The following RYR3 variants were observed in gnomAD, a reference collection of about 807,000 sequenced individuals.
RYR3 encodes ryanodine receptor 3.
RYR3 carries 207 observed loss-of-function variants against 584.3 expected under a neutral mutation model. That is an observed-to-expected ratio of 0.35 (90% confidence interval 0.32 to 0.40). The LOEUF (loss-of-function observed/expected upper bound fraction) is 0.40, where lower values mean the gene tolerates loss of function less well. Ranked by LOEUF, RYR3 falls within the 10% of genes least tolerant of loss-of-function variation. RYR3 has a pLI of 1.00. For synonymous variants in RYR3, 2,416 were observed against 2,248.5 expected, an observed-to-expected ratio of 1.07 and a Z score of -2.11; for missense variants, 5,616 against 6,089.2, an observed-to-expected ratio of 0.92 and a Z score of 2.59.
rs1452938473 is a variant in RYR3, at chr15:33,531,223, A to G, written c.354+557A>G. Among the ~76,000 whole-genome samples the G allele has an allele frequency of 4.6e-5, 7 of 152,328 alleles. No homozygotes were observed. The South Asian group carries it at 1.5e-3, about 32-fold the overall frequency. ...AGGCAAGGTAGTCACAGAAAGCTGCATGGCTATTACTAATCAGGGATCTAG... is the reference window on the plus strand; with the variant it reads ...AGGCAAGGTAGTCACAGAAAGCTGCGTGGCTATTACTAATCAGGGATCTAG... On this transcript the variant is annotated intron_variant, in intron 4 of 103. Coordinates refer to ENST00000634891, the MANE Select transcript of RYR3 (RefSeq NM_001036.6).
At chr15:33,841,591 C>T (rs2078366608) in intron 90 of RYR3, among the ~76,000 whole-genome samples, 1 of 152,122 alleles carries the variant, frequency 6.6e-6, no homozygotes, top group African/African-American at 2.4e-5. Context: ...TAAAGGGTAA[C>T]TTCAGAAGGG....
At chr15:33,536,016 C>T (rs2055297288) in intron 5 of RYR3, among the ~76,000 whole-genome samples, 1 of 152,162 alleles carries the variant, frequency 6.6e-6, no homozygotes, top group African/African-American at 2.4e-5. Flanking sequence ...AGAAAGCTAG[C>T]TGGCGTTTGT....
chr15:33,602,611 C>G (rs967175081), intron 17 of RYR3, among the ~76,000 whole-genome samples: 1 of 151,932 alleles, frequency 6.6e-6, no homozygotes, highest in Non-Finnish European at 1.5e-5. Flanking sequence ...ACTCAGTAAA[C>G]GTTGGTTGCC....
chr15:33,603,046 C>G, intron 17 of RYR3, 77 bp from the exon 18 acceptor site: 1 of 1,499,748 alleles, frequency 6.7e-7, no homozygotes, highest in South Asian at 1.2e-5. Flanking sequence ...TGGGCCGTTG[C>G]CTCCTATGGT....
rs191868366 is a variant in RYR3, at chr15:33,848,507, G to A, written c.13628+86G>A. 5 of 1,452,786 alleles carry A rather than the reference G, an allele frequency of 3.4e-6. No homozygotes were observed. In the Admixed American group the frequency reaches 7.0e-5, roughly 20 times the overall value. 90.0% of individuals were successfully genotyped at this position (1,452,786 alleles called of 1,614,324 possible). ...CTCTTTCCTCCTGGCCTTAAAACTG[G>A]TTAATATAAACTGTCTTTTGATTTC... On this transcript the variant is annotated intron_variant, in intron 94 of 103. Transcript: ENST00000634891.
chr15:33,430,229 G>A (rs1161638237), intron 1 of RYR3, among the ~76,000 whole-genome samples: 1 of 152,264 alleles, frequency 6.6e-6, no homozygotes, highest in African/African-American at 2.4e-5. Context: ...ACAATGCCAA[G>A]CAAGGAGAAT....
At position 33,799,437 on chromosome 15, in the gene RYR3, A is replaced by G. The variant is rs554558339; in HGVS notation, c.9831-1333A>G. Among the ~76,000 whole-genome samples, 242 of 145,100 alleles carry G rather than the reference A, an allele frequency of 1.7e-3. 1 individual carries two copies. Among genetic ancestry groups the G allele is most frequent in the African/African-American group, 5.7e-3 (230 of 40,284 alleles). On this transcript the variant is annotated intron_variant, in intron 67 of 103. Transcript: ENST00000634891. The stretch of plus-strand genomic sequence containing the variant: ...CCAATCATGCCTATATAATGGAGCC[A>G]CCACAAAAAAACCCTAAGCTATGGG...
rs751164469 is a variant in RYR3, at chr15:33,853,051, T to C, written c.13635T>C (p.Phe4545=). ...WDRLVINTPS[F]PNNYWDKFVK... is the part of the protein sequence containing the mutation. ...TTTTCGTTTTGTTTTTCAGATCTTT[T>C]CCTAATAACTACTGGGACAAGTTTG... The change falls in exon 95 of 104, where the codon TTT becomes TTC. Residue 4545 remains phenylalanine, a synonymous_variant. Coordinates refer to ENST00000634891, the MANE Select transcript of RYR3 (RefSeq NM_001036.6). 6.2e-6 allele frequency: 10 copies of C among 1,607,084 alleles called. No homozygotes were observed. In the Admixed American group the frequency reaches 1.7e-4, roughly 27 times the overall value.
At chr15:33,790,383 TATCA>T (rs1363891558) in intron 67 of RYR3, among the ~76,000 whole-genome samples, 1 of 152,162 alleles carries the variant, frequency 6.6e-6, no homozygotes, top group African/African-American at 2.4e-5. Context: ...TGCCAGAAGT[TATCA>T]GATTCTGGGT....
chr15:33,857,646 GCCCTC>G, intron 98 of RYR3, 129 bp from the exon 99 acceptor site: 9 of 1,067,580 alleles, frequency 8.4e-6, no homozygotes, highest in Non-Finnish European at 9.5e-6. Context: ...TTTCTTAGCC[GCCCTC>G]CACCCCTTCC....
intron 1 of RYR3, among the ~76,000 whole-genome samples, chr15:33,317,791 A>C (rs1055001159): frequency 6.6e-6 from 1 of 152,104 alleles, no homozygotes; most frequent in African/African-American, 2.4e-5. Context: ...TCTGGCTTAG[A>C]GTACATTGCT....
chr15:33,470,486 T>C (rs1310223648), intron 1 of RYR3, among the ~76,000 whole-genome samples: 1 of 151,934 alleles, frequency 6.6e-6, no homozygotes, highest in African/African-American at 2.4e-5. Flanking sequence ...TCAACAGTCC[T>C]CCTTGAGAAA....
intron 10 of RYR3, among the ~76,000 whole-genome samples, chr15:33,550,735 A>C (rs1337035720): frequency 5.7e-5 from 2 of 35,138 alleles, no homozygotes; most frequent in Admixed American, 6.4e-4. Context: ...GTAATTTGTT[A>C]AACAAAAAAA....
At position 33,861,646 on chromosome 15, in the gene RYR3, C is replaced by T. The variant is rs147523985; in HGVS notation, c.14465+468C>T. On this transcript the variant is annotated intron_variant, in intron 102 of 103. Transcript: ENST00000634891. Reference sequence around the variant, plus strand: ...CTCCTGTGAACCTCCTACTGGCAGGCTTTCCTCCCACTACATCATAATATT... The same window carrying T: ...CTCCTGTGAACCTCCTACTGGCAGGTTTTCCTCCCACTACATCATAATATT... Among the ~76,000 whole-genome samples, 66 of 152,268 alleles carry T rather than the reference C, an allele frequency of 4.3e-4. 1 individual carries two copies. The East Asian group carries it at 0.012, about 27-fold the overall frequency.
At chr15:33,664,285 T>C (rs369387721) in intron 36 of RYR3, among the ~76,000 whole-genome samples, 4 of 152,232 alleles carry the variant, frequency 2.6e-5, no homozygotes, top group East Asian at 1.9e-4. Context: ...TGATTTGTTG[T>C]ATTCATTCTT....
intron 67 of RYR3, among the ~76,000 whole-genome samples, chr15:33,793,018 C>T (rs892328359): frequency 2.6e-5 from 4 of 152,212 alleles, no homozygotes; most frequent in Non-Finnish European, 4.4e-5. Flanking sequence ...GCTGCTCACA[C>T]TTCTGCCCAG....
At chr15:33,747,541 T>C (rs953140632) in intron 53 of RYR3, among the ~76,000 whole-genome samples, 1 of 151,434 alleles carries the variant, frequency 6.6e-6, no homozygotes, top group Non-Finnish European at 1.5e-5. Flanking sequence ...TCTTTTGCCT[T>C]AGCCTCCCGA....
At position 33,669,433 on chromosome 15, in the gene RYR3, A is replaced by G. The variant is rs751260751; in HGVS notation, c.5699A>G (p.His1900Arg). 6.2e-7 allele frequency: 1 copy of G among 1,613,938 alleles called. No homozygotes were observed. The highest frequency in any genetic ancestry group is 1.1e-5 in the South Asian group (1 of 91,074). Residue 1900 changes from histidine (H) to arginine (R), a missense_variant, in exon 37 of 104, where the codon CAT becomes CGT. This residue lies in a region of RYR3 where 1,280 missense variants were observed against 1,426.2 expected (regional missense o/e 0.90). Transcript: ENST00000634891. ...ATTCGGGAGGAGCTGTATGATTTCC[A>G]TGAGGACCTTCTCCTTCACTGTGGT... is the stretch of plus-strand genomic sequence containing the variant. Reference protein sequence around the residue: ...EEIREELYDFHEDLLLHCGVP... With the variant: ...EEIREELYDFREDLLLHCGVP...
intron 5 of RYR3, among the ~76,000 whole-genome samples, chr15:33,534,858 T>A (rs543797718): frequency 1.3e-5 from 2 of 152,286 alleles, no homozygotes; most frequent in Non-Finnish European, 2.9e-5. Context: ...AATCTGACCA[T>A]CCGTCAAGGG....
Sources: allele counts gnomAD v4.1 joint callset (sites outside exome capture counted in the v4.1 genomes callset), GRCh38; gene constraint gnomAD v4.1.1; regional missense constraint gnomAD v4.1.1; transcripts MANE v1.5; gene names NCBI Gene and HGNC (gene_info 2026-07-23, HGNC 2026-07-21).